The following CXXC5 variants were observed in gnomAD, a reference collection of about 807,000 sequenced individuals.
CXXC5 encodes the protein CXXC-type zinc finger protein 5.
CXXC5 carries 2 observed loss-of-function variants against 17.6 expected under a neutral mutation model. That is an observed-to-expected ratio of 0.11 (90% CI 0.05 to 0.36). The LOEUF is 0.36. Among genes scored for constraint, CXXC5 ranks in the 10% least tolerant of loss-of-function variants. The pLI is 1.00. For missense variants in CXXC5, 343 were observed against 458.3 expected (o/e 0.75, Z 2.30); for synonymous variants, 171 against 193.0 (o/e 0.89, Z 0.94).
At position 139,678,380 on chromosome 5, in the gene CXXC5, C is replaced by CT. The variant is rs567622019; in HGVS notation, c.-160-1984_-160-1983insT. Among the ~76,000 whole-genome samples, 16 of 152,282 alleles carry CT rather than the reference C, an allele frequency of 1.1e-4. No individual in the cohort carries two copies. In the East Asian group the frequency reaches 2.7e-3, roughly 26 times the overall value. On this transcript the variant is annotated intron_variant, in intron 1 of 2. Coordinates refer to ENST00000302517, the MANE Select transcript of CXXC5 (RefSeq NM_016463.9). ...TTGCTTCAGCTCTGACCTCTGATGC[C>CT]CCCCAACCCAGCCTGGATTCCCTGC...
chr5:139,665,455 A>G (rs1320880586), intron 1 of CXXC5: 1 of 152,252 alleles, frequency 6.6e-6, no homozygotes, highest in African/African-American at 2.4e-5. Context: ...CCTTTCCCAG[A>G]TAGCATCCAT....
At chr5:139,681,518 C>T in intron 2 of CXXC5, 71 bp downstream of exon 2, 1 of 1,498,438 alleles carries the variant, frequency 6.7e-7, no homozygotes, top group Non-Finnish European at 8.9e-7. Flanking sequence ...CCCCCATCCC[C>T]TGACCCCACT....
intron 1 of CXXC5, among the ~76,000 whole-genome samples, chr5:139,674,525 T>C (rs779324423): frequency 1.3e-5 from 2 of 152,168 alleles, no homozygotes; most frequent in African/African-American, 2.4e-5. Flanking sequence ...CGAGCCTCCC[T>C]GGGCAGGCAG....
In CXXC5 at chr5:139,680,736, G is replaced by A. The variant is rs758129709; in HGVS notation, c.213G>A (p.Lys71=). 6.8e-6 allele frequency: 11 copies of A among 1,613,538 alleles called. No individual in the cohort carries two copies. The highest frequency in any genetic ancestry group is 8.5e-6 in the Non-Finnish European group (10 of 1,180,032). The change falls in exon 2 of 3, where the codon AAG becomes AAA. Residue 71 remains lysine (K), a synonymous_variant. Coordinates refer to ENST00000302517, the MANE Select transcript of CXXC5 (RefSeq NM_016463.9). ...KSGIISEPLN[K]SLRRSRPLSH... ...GTATCATCAGTGAGCCCCTCAACAA[G>A]AGCCTGCGCCGCTCCCGCCCGCTCT...
At chr5:139,650,895 G>C (rs958641348) in intron 1 of CXXC5, 7 of 152,226 alleles carry the variant, frequency 4.6e-5, no homozygotes, top group Admixed American at 4.6e-4. Flanking sequence ...TGGAGCTTGG[G>C]GGGGTGGGGA....
chr5:139,655,031 C>T (rs1202045319), intron 1 of CXXC5, among the ~76,000 whole-genome samples: 1 of 152,164 alleles, frequency 6.6e-6, no homozygotes, highest in Non-Finnish European at 1.5e-5. Context: ...GTCTCCCGCT[C>T]CTTCCCCAGG....
chr5:139,661,482 T>A lies in CXXC5; in HGVS notation c.-161+12637T>A, dbSNP rs1439109522. Among the ~76,000 whole-genome samples the A allele has an allele frequency of 6.6e-6, 1 of 151,970 alleles. No individual in the cohort carries two copies. Among genetic ancestry groups the A allele is most frequent in the African/African-American group, 2.4e-5 (1 of 41,332 alleles). The stretch of plus-strand genomic sequence containing the variant: ...TGCACACACAGCTCCCATGTGGTGC[T>A]CCAGAAGCACACTCACGGTTCCAGC... On this transcript the variant is annotated intron_variant, in intron 1 of 2. Coordinates refer to ENST00000302517, the MANE Select transcript of CXXC5 (RefSeq NM_016463.9). This position sits in a 1 kb window ranked among gnomAD's most constrained non-coding sequence, Gnocchi z 4.7.
At chr5:139,681,818 C>T (rs1757254124) in intron 2 of CXXC5, among the ~76,000 whole-genome samples, 1 of 152,224 alleles carries the variant, frequency 6.6e-6, no homozygotes, top group Admixed American at 6.5e-5. Flanking sequence ...AGTCCATGAC[C>T]TAGAACTCTG....
intron 1 of CXXC5, among the ~76,000 whole-genome samples, chr5:139,655,649 A>G (rs1443383701): frequency 6.8e-6 from 1 of 147,390 alleles, no homozygotes; most frequent in Non-Finnish European, 1.5e-5. Context: ...CTTTTCCTCC[A>G]TTTCCCTCTT....
chr5:139,663,467 G>A lies in CXXC5; in HGVS notation c.-161+14622G>A, dbSNP rs549566438. Among the ~76,000 whole-genome samples, 4 of 152,110 alleles carry A rather than the reference G, an allele frequency of 2.6e-5. No individual in the cohort carries two copies. The highest frequency in any genetic ancestry group is 5.9e-5 in the Non-Finnish European group (4 of 68,010). On this transcript the variant is annotated intron_variant, in intron 1 of 2. Transcript: ENST00000302517. The surrounding 1 kb of genome is among the most constrained non-coding windows in gnomAD (Gnocchi z 4.2). ...GAGGAAAGGCTGTCTAGAAGTGTAG[G>A]TAGGCCTTCTTCCTTTGGGCAGAAG...
At chr5:139,679,054 G>C (rs909579434) in intron 1 of CXXC5, among the ~76,000 whole-genome samples, 1 of 152,242 alleles carries the variant, frequency 6.6e-6, no homozygotes, top group Non-Finnish European at 1.5e-5. Context: ...TGGAAATATG[G>C]AGGTGGCCAG....
chr5:139,661,165 C>T lies in CXXC5; in HGVS notation c.-161+12320C>T, dbSNP rs953742020. Among the ~76,000 whole-genome samples the T allele has an allele frequency of 3.3e-5, 5 of 152,176 alleles. No individual in the cohort carries two copies. Among genetic ancestry groups the T allele is most frequent in the South Asian group, 2.1e-4 (1 of 4,832 alleles). ...ATTTATCAAGCCAGCCTCCCCGCCG[C>T]GGCTGCCCGCGCCGCCCCCCCACCT... On this transcript the variant is annotated intron_variant, in intron 1 of 2. Coordinates refer to ENST00000302517, the MANE Select transcript of CXXC5 (RefSeq NM_016463.9). This position sits in a 1 kb window ranked among gnomAD's most constrained non-coding sequence, Gnocchi z 4.7.
Position 139,680,690 on chromosome 5 carries a change from C to A in CXXC5, c.167C>A (p.Pro56His), listed in dbSNP as rs201905705. The change falls in exon 2 of 3, where the codon CCC (proline) becomes CAC (histidine). Residue 56 changes from proline (P) to histidine (H), a missense_variant. This residue lies in a region of CXXC5 where 297 missense variants were observed against 363.4 expected (regional missense o/e 0.82). Coordinates refer to ENST00000302517, the MANE Select transcript of CXXC5 (RefSeq NM_016463.9). ...TCAGTGGCAGATGACACACCACCCC[C>A]CGAGCGTCGGAACAAGAGCGGTATC... ...PASVADDTPPPERRNKSGIIS... is the reference protein window; with the variant it reads ...PASVADDTPPHERRNKSGIIS... 291 of 1,613,290 alleles carry A rather than the reference C, an allele frequency of 1.8e-4. 2 individuals are homozygous for A. Among genetic ancestry groups the A allele is most frequent in the South Asian group, 9.1e-4 (83 of 91,092 alleles).
At chr5:139,664,109 C>A (rs951260711) in intron 1 of CXXC5, among the ~76,000 whole-genome samples, 1 of 152,206 alleles carries the variant, frequency 6.6e-6, no homozygotes, top group African/African-American at 2.4e-5. Flanking sequence ...CTAGGTCCCT[C>A]TGCTATCTCA....
At chr5:139,678,601 C>T (rs1317786347) in intron 1 of CXXC5, among the ~76,000 whole-genome samples, 1 of 152,240 alleles carries the variant, frequency 6.6e-6, no homozygotes, top group Admixed American at 6.5e-5. Context: ...ACCCGGTCCT[C>T]TTTGGCCACT....
intron 1 of CXXC5, among the ~76,000 whole-genome samples, chr5:139,659,031 CA>C (rs1232314298): frequency 6.6e-6 from 1 of 152,128 alleles, no homozygotes; most frequent in Non-Finnish European, 1.5e-5. Flanking sequence ...GACCTGCAGT[CA>C]ACCCCTTTCA....
Position 139,661,161 on chromosome 5 carries a change from G to A in CXXC5, c.-161+12316G>A, listed in dbSNP as rs953164198. 5.9e-5 allele frequency among the ~76,000 whole-genome samples: 9 copies of A among 151,732 alleles called. No homozygotes were observed. Among genetic ancestry groups the A allele is most frequent in the East Asian group, 1.9e-4 (1 of 5,174 alleles). On this transcript the variant is annotated intron_variant, in intron 1 of 2. Coordinates refer to ENST00000302517, the MANE Select transcript of CXXC5 (RefSeq NM_016463.9). This position sits in a 1 kb window ranked among gnomAD's most constrained non-coding sequence, Gnocchi z 4.7. ...GGTTATTTATCAAGCCAGCCTCCCC[G>A]CCGCGGCTGCCCGCGCCGCCCCCCC...
At chr5:139,649,359 G>A (rs1755035764) in intron 1 of CXXC5, 1 of 152,294 alleles carries the variant, frequency 6.6e-6, no homozygotes. Context: ...CGGGCGCTCA[G>A]CCTGCGGGGG....
chr5:139,672,484 C>T lies in CXXC5; in HGVS notation c.-160-7880C>T, dbSNP rs113673614. ...GGAAGGGACTGGATGCTCCTTGCCA[C>T]GATAGGTCTCACCTCTTCTACGGTT... On this transcript the variant is annotated intron_variant, in intron 1 of 2. Coordinates refer to ENST00000302517, the MANE Select transcript of CXXC5 (RefSeq NM_016463.9). Among the ~76,000 whole-genome samples the T allele has an allele frequency of 3.9e-5, 6 of 152,348 alleles. 1 individual carries two copies. The highest frequency in any genetic ancestry group is 1.4e-4 in the African/African-American group (6 of 41,574).
Sources: gnomAD v4.1 joint callset for allele counts (sites outside exome capture counted in the v4.1 genomes callset) on GRCh38, gnomAD v4.1.1 for gene constraint, gnomAD v4.1.1 regional missense constraint, Gnocchi (gnomAD v3.1) non-coding constraint, MANE v1.5 for transcripts, NCBI Gene and HGNC (gene_info 2026-07-23, HGNC 2026-07-21) for gene names.